The following CMSS1 variants were observed in gnomAD, a reference collection of about 807,000 sequenced individuals.
CMSS1 encodes the protein protein CMSS1.
In CMSS1, 33 loss-of-function variants were observed where a neutral mutation model predicts 43.5. The observed-to-expected ratio is 0.76, with a 90% confidence interval of 0.57 to 1.01. The LOEUF is 1.01. Among genes scored for constraint, CMSS1 ranks in the 50% least tolerant of loss-of-function variants. The probability of loss-of-function intolerance (pLI) is 0.00; values close to 1 mark genes in which losing one functional copy is unlikely to be tolerated. For synonymous variants in CMSS1, 115 were observed against 117.2 expected, an observed-to-expected ratio of 0.98 and a Z score of 0.12; for missense variants, 313 against 326.4, an observed-to-expected ratio of 0.96 and a Z score of 0.32.
intron 1 of CMSS1, among the ~76,000 whole-genome samples, chr3:99,847,224 C>CAA (rs749004894): frequency 2.1e-5 from 3 of 142,584 alleles, no homozygotes; most frequent in African/African-American, 7.7e-5. Flanking sequence ...GAGGTTAAAA[C>CAA]AAAAAAAAAA....
intron 1 of CMSS1, among the ~76,000 whole-genome samples, chr3:99,847,162 T>C (rs1249114524): frequency 1.3e-5 from 2 of 152,134 alleles, no homozygotes; most frequent in African/African-American, 4.8e-5. Flanking sequence ...TTCTATAGCT[T>C]ATGTTCATAA....
At chr3:100,013,516 T>A (rs886987499) in intron 1 of CMSS1, among the ~76,000 whole-genome samples, 5 of 152,260 alleles carry the variant, frequency 3.3e-5, no homozygotes, top group African/African-American at 1.2e-4. Flanking sequence ...AGTGCTGGGA[T>A]TACAGGCATG....
chr3:99,855,127 A>T lies in CMSS1; in HGVS notation c.64+37084A>T, dbSNP rs1370176517. Among the ~76,000 whole-genome samples the T allele has an allele frequency of 2.0e-5, 3 of 152,284 alleles. No individual in the cohort carries two copies. The East Asian group carries it at 5.8e-4, about 29-fold the overall frequency. On this transcript the variant is annotated intron_variant, in intron 1 of 9. Transcript: ENST00000421999. ...ATATTAACTCTGCCAATTGTTGTTC[A>T]TTATTGATTTATACCCAGTCTGCAG...
At chr3:100,129,205 A>G (rs1336366852) in intron 1 of CMSS1, among the ~76,000 whole-genome samples, 1 of 152,206 alleles carries the variant, frequency 6.6e-6, no homozygotes, top group Admixed American at 6.5e-5. Flanking sequence ...TTCTCAGAGT[A>G]AGAACCACAT....
intron 1 of CMSS1, among the ~76,000 whole-genome samples, chr3:99,993,522 G>T (rs890813914): frequency 2.0e-5 from 3 of 152,034 alleles, no homozygotes; most frequent in Non-Finnish European, 4.4e-5. Flanking sequence ...TGTTGAATAG[G>T]GGTGGTAAAA....
At chr3:99,935,227 T>G (rs1707623632) in intron 1 of CMSS1, among the ~76,000 whole-genome samples, 1 of 151,150 alleles carries the variant, frequency 6.6e-6, no homozygotes, top group South Asian at 2.1e-4. Context: ...AAAGAAAAAT[T>G]TTGTAATAGC....
intron 1 of CMSS1, among the ~76,000 whole-genome samples, chr3:100,083,718 A>T (rs1052241129): frequency 4.6e-5 from 7 of 152,200 alleles, no homozygotes; most frequent in Admixed American, 2.0e-4. Flanking sequence ...CATAAAAAAA[A>T]TTTTTAACAT....
chr3:99,941,495 A>G (rs1476280235), intron 1 of CMSS1, among the ~76,000 whole-genome samples: 1 of 152,252 alleles, frequency 6.6e-6, no homozygotes, highest in African/African-American at 2.4e-5. Context: ...TGAAAAACAC[A>G]GTATGTGGGG....
chr3:100,088,215 G>C (rs1322060121), intron 1 of CMSS1, among the ~76,000 whole-genome samples: 1 of 152,166 alleles, frequency 6.6e-6, no homozygotes, highest in Non-Finnish European at 1.5e-5. Flanking sequence ...CAGTGAAACA[G>C]AGAAGTTATC....
chr3:99,876,217 T>G, intron 1 of CMSS1: 1 of 985,314 alleles, frequency 1.0e-6, no homozygotes, highest in Non-Finnish European at 1.2e-6. Flanking sequence ...GTTACGTCAC[T>G]GTTCTGCCTT....
intron 1 of CMSS1, among the ~76,000 whole-genome samples, chr3:99,989,693 C>CT (rs199895279): frequency 0.028 from 3,957 of 140,570 alleles, 186 homozygotes; most frequent in African/African-American, 0.097. Context: ...TATTTTTTTT[C>CT]TTTTTTTTGC....
intron 1 of CMSS1, among the ~76,000 whole-genome samples, chr3:100,115,907 A>G (rs558628120): frequency 6.6e-6 from 1 of 152,258 alleles, no homozygotes; most frequent in East Asian, 1.9e-4. Context: ...CCTTGTCTCT[A>G]CGTTCCTTCA....
At chr3:100,042,192 C>T (rs184301777) in intron 1 of CMSS1, among the ~76,000 whole-genome samples, 1 of 152,076 alleles carries the variant, frequency 6.6e-6, no homozygotes, top group African/African-American at 2.4e-5. Flanking sequence ...TAGATGAAAA[C>T]AATAGCCACT....
At chr3:99,951,768 A>G (rs1357204230) in intron 1 of CMSS1, among the ~76,000 whole-genome samples, 1 of 152,198 alleles carries the variant, frequency 6.6e-6, no homozygotes, top group Non-Finnish European at 1.5e-5. Flanking sequence ...GTAAGGAGCC[A>G]AACAGTAAAT....
chr3:99,910,896 C>G (rs533862428), intron 1 of CMSS1, among the ~76,000 whole-genome samples: 1 of 152,292 alleles, frequency 6.6e-6, no homozygotes, highest in South Asian at 2.1e-4. Flanking sequence ...GTTATATTCT[C>G]TAAGTAAGGT....
intron 1 of CMSS1, among the ~76,000 whole-genome samples, chr3:99,823,130 T>G (rs1366014362): frequency 6.6e-6 from 1 of 152,248 alleles, no homozygotes; most frequent in African/African-American, 2.4e-5. Context: ...GAAAGTCTTT[T>G]GTTTATATAT....
chr3:99,995,701 A>G (rs907499822), intron 1 of CMSS1, among the ~76,000 whole-genome samples: 6 of 152,230 alleles, frequency 3.9e-5, no homozygotes, highest in East Asian at 1.9e-4. Flanking sequence ...CCAAACCCCA[A>G]TCCTTGACTT....
At chr3:100,159,088 C>T (rs2067001156) in intron 2 of CMSS1, among the ~76,000 whole-genome samples, 1 of 152,196 alleles carries the variant, frequency 6.6e-6, no homozygotes, top group Non-Finnish European at 1.5e-5. Context: ...ATATTAGTGG[C>T]CTTGGCACAG....
At chr3:100,094,287 TTTATTG>T (rs1381740805) in intron 1 of CMSS1, among the ~76,000 whole-genome samples, 2 of 152,202 alleles carry the variant, frequency 1.3e-5, no homozygotes, top group African/African-American at 4.8e-5. Context: ...TGGATTGTTC[TTTATTG>T]TTAAGTTTTA....
Sources: gnomAD v4.1 joint callset for allele counts (sites outside exome capture counted in the v4.1 genomes callset) on GRCh38, gnomAD v4.1.1 for gene constraint, MANE v1.5 for transcripts, NCBI Gene and HGNC (gene_info 2026-07-23, HGNC 2026-07-21) for gene names.